GRIN1: variants seen among roughly 807,000 people sequenced by gnomAD.
GRIN1 encodes glutamate ionotropic receptor NMDA type subunit 1, also known as glutamate receptor ionotropic, NMDA 1.
In GRIN1, 38 loss-of-function variants were observed where a neutral mutation model predicts 103.0. The ratio of observed to expected loss-of-function variants is 0.37; its 90% confidence interval spans 0.28 to 0.48. GRIN1 has a LOEUF of 0.48. Among genes scored for constraint, GRIN1 ranks in the 20% least tolerant of loss-of-function variants. GRIN1 has a pLI of 0.98. For synonymous variants in GRIN1, 544 were observed against 532.7 expected, an observed-to-expected ratio of 1.02 and a Z score of -0.29; for missense variants, 577 against 1,288.9, an observed-to-expected ratio of 0.45 and a Z score of 8.46.
chr9:137,160,986 C>T (rs964284832), intron 8 of GRIN1, 70 bp from the exon 9 acceptor site: 11 of 1,602,366 alleles, frequency 6.9e-6, no homozygotes, highest in Non-Finnish European at 9.4e-6. Flanking sequence ...AGGCTGGGAG[C>T]TGAGAAGAGA....
chr9:137,144,532 G>A (rs1454698470), intron 2 of GRIN1, among the ~76,000 whole-genome samples: 2 of 152,026 alleles, frequency 1.3e-5, no homozygotes, highest in East Asian at 1.9e-4. Flanking sequence ...GCGGGCGCCT[G>A]TAGTCTCAGC....
intron 4 of GRIN1, among the ~76,000 whole-genome samples, chr9:137,153,891 A>G (rs995725906): frequency 6.6e-6 from 1 of 152,040 alleles, no homozygotes; most frequent in Non-Finnish European, 1.5e-5. Context: ...GCTTACTGCA[A>G]CCTCTGCCCC....
rs1159926920 is a variant in GRIN1, at chr9:137,162,841, T to G, written c.2014-5T>G. 28 of 1,611,864 alleles carry G rather than the reference T, an allele frequency of 1.7e-5. No individual in the cohort carries two copies. The highest frequency in any genetic ancestry group is 2.3e-5 in the Non-Finnish European group (27 of 1,179,608). ...CGCCGCGATCCCTGCCCTCCGACCC[T>G]GCAGCTGAGGAACCCCTCGGACAAG... On this transcript the variant is annotated splice_region_variant and splice_polypyrimidine_tract_variant and intron_variant, in intron 14 of 19. Coordinates refer to ENST00000371561, the MANE Select transcript of GRIN1 (RefSeq NM_007327.4).
At chr9:137,145,936 G>C in intron 3 of GRIN1, 34 bp downstream of exon 3, 1 of 1,516,204 alleles carries the variant, frequency 6.6e-7, no homozygotes, top group South Asian at 1.2e-5. Context: ...GCGCCTGGCG[G>C]AGCCGAGGTG....
chr9:137,165,925 T>G (rs1320654419), intron 19 of GRIN1, among the ~76,000 whole-genome samples: 1 of 152,086 alleles, frequency 6.6e-6, no homozygotes, highest in Non-Finnish European at 1.5e-5. Context: ...TCCGTCTGGG[T>G]GGACGGCTGG....
chr9:137,149,672 T>A (rs1225857959), intron 4 of GRIN1, among the ~76,000 whole-genome samples: 1 of 152,090 alleles, frequency 6.6e-6, no homozygotes, highest in Non-Finnish European at 1.5e-5. Context: ...AAGCTCCCTA[T>A]TTGCAAATGG....
At chr9:137,165,145 ACCAC>A (rs1316774168) in intron 18 of GRIN1, 37 bp from the exon 19 acceptor site, 1 of 1,416,942 alleles carries the variant, frequency 7.1e-7, no homozygotes, top group African/African-American at 1.4e-5. Context: ...AGGTGTGGCC[ACCAC>A]CCTAGCCATC....
chr9:137,144,596 A>G (rs1832381058), intron 2 of GRIN1, among the ~76,000 whole-genome samples: 2 of 150,240 alleles, frequency 1.3e-5, no homozygotes, highest in Non-Finnish European at 1.5e-5. Context: ...CGGAGCCTGC[A>G]GTGAGCCGAG....
chr9:137,163,022 C>T lies in GRIN1; in HGVS notation c.2171+19C>T, dbSNP rs1402876585. 1 of 1,576,592 alleles carries T rather than the reference C, an allele frequency of 6.3e-7. No homozygotes were observed. Among genetic ancestry groups the T allele is most frequent in the Admixed American group, 1.8e-5 (1 of 54,624 alleles). On this transcript the variant is annotated intron_variant, in intron 15 of 19. Coordinates refer to ENST00000371561, the MANE Select transcript of GRIN1 (RefSeq NM_007327.4). ...GAGACAAGTGAGGCGCGGGCGGCCA[C>T]CCTGGCGGGGCGGGACAGGTGCGGG...
intron 4 of GRIN1, among the ~76,000 whole-genome samples, chr9:137,150,442 G>C (rs933888300): frequency 6.3e-5 from 9 of 141,756 alleles, no homozygotes; most frequent in African/African-American, 2.4e-4. Flanking sequence ...GCTCCACCCA[G>C]ATAAAAGCCC....
At chr9:137,165,634 G>A (rs1833832423) in intron 19 of GRIN1, among the ~76,000 whole-genome samples, 1 of 152,152 alleles carries the variant, frequency 6.6e-6, no homozygotes. Context: ...TGGGGCCCTG[G>A]GAGCCCAGCG....
At chr9:137,164,954 G>T in intron 18 of GRIN1, 1 of 534,660 alleles carries the variant, frequency 1.9e-6, no homozygotes, top group Non-Finnish European at 3.4e-6. Context: ...AGAGCCAGCC[G>T]AGAGCCCCCA....
chr9:137,154,133 G>T (rs11146024), intron 4 of GRIN1, among the ~76,000 whole-genome samples: 135,323 of 147,056 alleles, frequency 0.92, 62,107 homozygotes, highest in East Asian at 0.97. Context: ...TTTTTTTTTT[G>T]TGTGTGTGTG....
chr9:137,167,198 C>A (rs1231417490), intron 19 of GRIN1, among the ~76,000 whole-genome samples: 5 of 152,034 alleles, frequency 3.3e-5, no homozygotes, highest in Non-Finnish European at 7.4e-5. Flanking sequence ...GGAGGGCAGC[C>A]CAGCTCCCAC....
intron 6 of GRIN1, 47 bp downstream of exon 6, chr9:137,157,084 T>C (rs781113394): frequency 2.0e-5 from 7 of 351,296 alleles, no homozygotes; most frequent in African/African-American, 1.9e-4. Flanking sequence ...CTTGGGGAGG[T>C]GGGCGGGGTC....
rs1362516859 is a variant in GRIN1 at position 137,156,724 on chromosome 9, T to G, written c.727T>G (p.Ser243Ala). ...RAAAMLNMTG[S>A]GYVWLVGERE... ...AGCCGCGATGCTGAACATGACGGGC[T>G]CCGGGTACGTGTGGCTGGTCGGCGA... is the stretch of plus-strand genomic sequence containing the variant. Residue 243 changes from serine to alanine, a missense_variant, in exon 5 of 20, where the codon TCC (serine) becomes GCC (alanine). Around this residue, in one of 9 missense-constraint regions of GRIN1, gnomAD observed 308 missense variants for 553.6 expected, o/e 0.56. Coordinates refer to ENST00000371561, the MANE Select transcript of GRIN1 (RefSeq NM_007327.4). 3.8e-6 allele frequency: 6 copies of G among 1,591,004 alleles called. No homozygotes were observed. The highest frequency in any genetic ancestry group is 5.1e-6 in the Non-Finnish European group (6 of 1,169,844).
At chr9:137,159,593 C>A (rs1246391337) in intron 8 of GRIN1, among the ~76,000 whole-genome samples, 1 of 152,234 alleles carries the variant, frequency 6.6e-6, no homozygotes, top group Non-Finnish European at 1.5e-5. Flanking sequence ...AGTCTGAAAG[C>A]AGCGGTCAAA....
At chr9:137,149,261 C>A in intron 4 of GRIN1, 152 bp downstream of exon 4, 1 of 687,840 alleles carries the variant, frequency 1.5e-6, no homozygotes, top group Non-Finnish European at 2.7e-6. Flanking sequence ...CCCCCACCCG[C>A]ACCCACACTC....
chr9:137,146,036 C>A lies in GRIN1; in HGVS notation c.570+134C>A. 9 of 660,222 alleles carry A rather than the reference C, an allele frequency of 1.4e-5. No homozygotes were observed. Among genetic ancestry groups the A allele is most frequent in the South Asian group, 1.1e-4 (6 of 55,162 alleles). The allele number at this position is 660,222 out of a possible 1,614,324, so 40.9% of individuals were successfully genotyped here. A position where few individuals can be genotyped will look rare whatever the true frequency, so the allele number is the denominator to read the frequency against. On this transcript the variant is annotated intron_variant, in intron 3 of 19. Transcript: ENST00000371561. The surrounding 1 kb of genome is among the most constrained non-coding windows in gnomAD (Gnocchi z 6.7). ...TCAGCACCACCACGTCTGGCGAGCG[C>A]CCGCCCCAGCCTGTCCTCGGCTCAT...
Sources: gnomAD v4.1 joint callset for allele counts (sites outside exome capture counted in the v4.1 genomes callset) on GRCh38, gnomAD v4.1.1 for gene constraint, gnomAD v4.1.1 regional missense constraint, Gnocchi (gnomAD v3.1) non-coding constraint, MANE v1.5 for transcripts, NCBI Gene and HGNC (gene_info 2026-07-23, HGNC 2026-07-21) for gene names.